Variants in ZBTB38 observed in about 807,000 individuals in gnomAD.
ZBTB38 encodes the protein zinc finger and BTB domain-containing protein 38.
Under a neutral mutation model 76.8 loss-of-function variants are expected in ZBTB38, and 20 were observed. The ratio of observed to expected loss-of-function variants is 0.26; its 90% CI spans 0.18 to 0.38. The LOEUF is 0.38. Ranked by LOEUF, ZBTB38 falls within the 10% of genes least tolerant of loss-of-function variation. The pLI, the probability that ZBTB38 is intolerant of heterozygous loss-of-function variation, is 1.00. For missense variants in ZBTB38, 1,082 were observed against 1,482.3 expected, an observed-to-expected ratio of 0.73 and a Z score of 4.43; for synonymous variants, 504 against 544.2, an observed-to-expected ratio of 0.93 and a Z score of 1.03.
At chr3:141,369,410 G>A (rs188905121) in intron 1 of ZBTB38, among the ~76,000 whole-genome samples, 25 of 152,276 alleles carry the variant, frequency 1.6e-4, no homozygotes, top group African/African-American at 3.1e-4. Flanking sequence ...TCGTATCTGG[G>A]ATGATATTAA....
In ZBTB38 at chr3:141,368,733, A is replaced by T. The variant is rs752449079; in HGVS notation, c.-381A>T. 1 of 152,144 alleles carries T rather than the reference A, an allele frequency of 6.6e-6. No homozygotes were observed. Among genetic ancestry groups the T allele is most frequent in the African/African-American group, 2.4e-5 (1 of 41,436 alleles). 9.4% of individuals were successfully genotyped at this position (152,144 alleles called of 1,614,324 possible). A position where few individuals can be genotyped will look rare whatever the true frequency, so the allele number is the denominator to read the frequency against. On this transcript the variant is annotated 5_prime_UTR_variant, in exon 1 of 6. Coordinates refer to ENST00000321464, the MANE Select transcript of ZBTB38 (RefSeq NM_001376113.1). ...TCACAAGAAGTGAAGAACCCAGAGC[A>T]CGAAAGCGGTTGTGACTCCTGGGCC...
At chr3:141,324,579 A>T (rs1018686539) in intron 1 of ZBTB38, 2 of 152,234 alleles carry the variant, frequency 1.3e-5, no homozygotes, top group Non-Finnish European at 2.9e-5. Flanking sequence ...ATTTTAAATC[A>T]ATAGAATAAG....
At chr3:141,351,745 T>G (rs1454541261) in intron 1 of ZBTB38, among the ~76,000 whole-genome samples, 6 of 146,114 alleles carry the variant, frequency 4.1e-5, no homozygotes, top group Non-Finnish European at 7.5e-5. Context: ...AAAAAAAAAG[T>G]ATTGTCATTA....
intron 2 of ZBTB38, among the ~76,000 whole-genome samples, chr3:141,375,367 G>A (rs6440003): frequency 0.53 from 80,919 of 152,082 alleles, 24,046 homozygotes; most frequent in African/African-American, 0.82. Context: ...GACAAAAGGC[G>A]CCAATGAGAA....
At chr3:141,409,925 C>T (rs1026683704) in intron 5 of ZBTB38, among the ~76,000 whole-genome samples, 4 of 152,148 alleles carry the variant, frequency 2.6e-5, no homozygotes, top group Non-Finnish European at 5.9e-5. Flanking sequence ...GCCCAGAGCC[C>T]CTGCAGGGCT....
intron 4 of ZBTB38, among the ~76,000 whole-genome samples, chr3:141,397,195 A>G (rs1950546199): frequency 1.3e-5 from 2 of 152,322 alleles, no homozygotes; most frequent in South Asian, 4.1e-4. Context: ...CCACATCAGC[A>G]CTTACTTCAC....
At chr3:141,385,672 G>A (rs558673307) in intron 3 of ZBTB38, among the ~76,000 whole-genome samples, 1 of 151,792 alleles carries the variant, frequency 6.6e-6, no homozygotes, top group Non-Finnish European at 1.5e-5. Context: ...GTGTGTGTGT[G>A]TGTGTGTGCG....
chr3:141,355,543 C>A (rs1230640704), intron 1 of ZBTB38, among the ~76,000 whole-genome samples: 1 of 152,078 alleles, frequency 6.6e-6, no homozygotes, highest in African/African-American at 2.4e-5. Context: ...CCCCTGGCCA[C>A]AGGTTATCCA....
chr3:141,329,041 T>G (rs1942762378), intron 1 of ZBTB38, among the ~76,000 whole-genome samples: 1 of 152,126 alleles, frequency 6.6e-6, no homozygotes, highest in Admixed American at 6.5e-5. Context: ...TCTCATTCTT[T>G]CATCCAATAA....
In ZBTB38 at chr3:141,443,391, G is replaced by A. The variant is rs369193339; in HGVS notation, c.1003G>A (p.Ala335Thr). 84 of 1,614,078 alleles carry A rather than the reference G, an allele frequency of 5.2e-5. No homozygotes were observed. The highest frequency in any genetic ancestry group is 1.1e-4 in the East Asian group (5 of 44,896). The change falls in exon 6 of 6, where the codon GCA (alanine) becomes ACA (threonine). Residue 335 changes from alanine to threonine, a missense_variant. Physicochemically the swap from Ala to Thr is moderately conservative, Grantham distance 58. Around this residue, in one of 8 missense-constraint regions of ZBTB38, gnomAD observed 324 missense variants for 359.1 expected, o/e 0.90. Coordinates refer to ENST00000321464, the MANE Select transcript of ZBTB38 (RefSeq NM_001376113.1). The surrounding 1 kb of genome is among the most constrained non-coding windows in gnomAD (Gnocchi z 5.6). ...QSSDVPGPPA[A>T]EVPPLVYNCS... is the part of the protein sequence containing the mutation. ...TTCTGATGTTCCCGGGCCGCCAGCCGCAGAGGTTCCACCTCTGGTGTACAA... is the reference window on the plus strand; with the variant it reads ...TTCTGATGTTCCCGGGCCGCCAGCCACAGAGGTTCCACCTCTGGTGTACAA...
chr3:141,437,464 G>A (rs1452395052), intron 5 of ZBTB38, among the ~76,000 whole-genome samples: 1 of 152,068 alleles, frequency 6.6e-6, no homozygotes, highest in Admixed American at 6.6e-5. Flanking sequence ...CTGCCACCCT[G>A]CAAACCTTTG....
intron 1 of ZBTB38, among the ~76,000 whole-genome samples, chr3:141,336,944 G>A (rs1162092289): frequency 1.3e-5 from 2 of 152,132 alleles, no homozygotes; most frequent in Non-Finnish European, 2.9e-5. Context: ...ACTTCAAATG[G>A]GGTGTGTTAG....
At chr3:141,427,165 A>G (rs2076563599) in intron 5 of ZBTB38, among the ~76,000 whole-genome samples, 2 of 152,126 alleles carry the variant, frequency 1.3e-5, no homozygotes, top group Admixed American at 6.5e-5. Flanking sequence ...TTTTTCATTC[A>G]TTCAGTAAAG....
At chr3:141,431,194 G>T (rs560126750) in intron 5 of ZBTB38, among the ~76,000 whole-genome samples, 5 of 151,326 alleles carry the variant, frequency 3.3e-5, no homozygotes, top group Middle Eastern at 3.4e-3. Flanking sequence ...ATGGTGGCAG[G>T]TGCCTGTAAT....
At chr3:141,378,704 A>G (rs1430826792) in intron 2 of ZBTB38, among the ~76,000 whole-genome samples, 2 of 152,192 alleles carry the variant, frequency 1.3e-5, no homozygotes, top group African/African-American at 2.4e-5. Context: ...TTTGAAGTCT[A>G]CAATGTCCTG....
At chr3:141,422,019 G>A (rs79928910) in intron 5 of ZBTB38, among the ~76,000 whole-genome samples, 9,217 of 152,286 alleles carry the variant, frequency 0.061, 341 homozygotes, top group East Asian at 0.18. Context: ...AAAAGCTGCC[G>A]CTGGGGAAGG....
intron 3 of ZBTB38, among the ~76,000 whole-genome samples, chr3:141,382,017 T>A (rs981102507): frequency 3.4e-4 from 51 of 152,204 alleles, no homozygotes; most frequent in African/African-American, 1.2e-3. Flanking sequence ...AAATTCCATT[T>A]AAAAATATGT....
intron 4 of ZBTB38, chr3:141,388,974 TA>T (rs1428417751): frequency 6.6e-6 from 1 of 152,214 alleles, no homozygotes; most frequent in Admixed American, 6.5e-5. Context: ...AAACAAAAGG[TA>T]TTTCAGAAAT....
chr3:141,440,814 T>G (rs142163057), intron 5 of ZBTB38, among the ~76,000 whole-genome samples: 105 of 152,112 alleles, frequency 6.9e-4, no homozygotes, highest in African/African-American at 2.4e-3. Context: ...GGCGGGCAGA[T>G]CACGAGGTCA....
Sources: gnomAD v4.1 joint callset for allele counts (sites outside exome capture counted in the v4.1 genomes callset) on GRCh38, gnomAD v4.1.1 for gene constraint, gnomAD v4.1.1 regional missense constraint, Gnocchi (gnomAD v3.1) non-coding constraint, MANE v1.5 for transcripts, NCBI Gene and HGNC (gene_info 2026-07-23, HGNC 2026-07-21) for gene names.